Variants in CCNL1 observed in about 807,000 individuals in gnomAD.
The protein encoded by CCNL1 is cyclin L1, also known as cyclin-L1.
In CCNL1, 13 loss-of-function variants were observed where a neutral mutation model predicts 60.6. The observed-to-expected ratio is 0.21, with a 90% CI of 0.14 to 0.34. The LOEUF (loss-of-function observed/expected upper bound fraction) is 0.34. CCNL1 is among the 10% of genes least tolerant of loss of function. The pLI, the probability that CCNL1 is intolerant of heterozygous loss-of-function variation, is 1.00. For synonymous variants in CCNL1, 270 were observed against 244.3 expected (o/e 1.10, Z -0.98); for missense variants, 481 against 664.3 (o/e 0.72, Z 3.03).
At chr3:157,159,685 TG>T in intron 1 of CCNL1, 106 bp downstream of exon 1, 1 of 1,178,422 alleles carries the variant, frequency 8.5e-7, no homozygotes, top group Non-Finnish European at 1.2e-6. Context: ...CGGGAAAGCC[TG>T]AAGGAACCGT....
intron 3 of CCNL1, 196 bp from the exon 4 acceptor site, chr3:157,153,352 C>A: frequency 2.1e-6 from 1 of 467,894 alleles, no homozygotes; most frequent in Non-Finnish European, 3.8e-6. Context: ...AGACTAAGTT[C>A]CTAAAGGAAC....
downstream of CCNL1, among the ~76,000 whole-genome samples, chr3:157,144,245 T>C (rs936813188): frequency 3.3e-5 from 5 of 152,226 alleles, no homozygotes; most frequent in African/African-American, 9.7e-5. Flanking sequence ...TTATTGAAGA[T>C]ATTGTACTAG....
At chr3:157,150,918 G>A (rs1738144205) in intron 5 of CCNL1, 15 of 983,006 alleles carry the variant, frequency 1.5e-5, no homozygotes, top group Non-Finnish European at 1.8e-5. Context: ...GGGAAATAAA[G>A]AGCAATAAAC....
chr3:157,157,960 C>T (rs774982191), intron 3 of CCNL1, among the ~76,000 whole-genome samples: 1 of 152,206 alleles, frequency 6.6e-6, no homozygotes, highest in Non-Finnish European at 1.5e-5. Flanking sequence ...CTTTTAATAA[C>T]TTCCTTTCAA....
chr3:157,153,615 C>T (rs1738365463), intron 3 of CCNL1: 1 of 153,430 alleles, frequency 6.5e-6, no homozygotes, highest in African/African-American at 2.4e-5. Context: ...GGTATACAAT[C>T]TCCCACTGCT....
downstream of CCNL1, among the ~76,000 whole-genome samples, chr3:157,144,504 T>G (rs1420901602): frequency 6.6e-6 from 1 of 152,258 alleles, no homozygotes; most frequent in Non-Finnish European, 1.5e-5. Flanking sequence ...AAGTCCATGT[T>G]CCTTCCATGT....
rs760970097 is a variant in CCNL1 at position 157,160,139 on chromosome 3, A to T, written c.-45T>A. 3.2e-5 allele frequency: 48 copies of T among 1,519,610 alleles called. No individual in the cohort carries two copies. The highest frequency in any genetic ancestry group is 4.9e-5 in the East Asian group (2 of 40,476). The allele number at this position is 1,519,610 out of a possible 1,614,324, so 94.1% of individuals were successfully genotyped here. A position where few individuals can be genotyped will look rare whatever the true frequency, so the allele number is the denominator to read the frequency against. ...CAAGCCCAACGCAGCCGGAACCCGAAACAAGACTAACCAGCGTTCTCGGCG... is the reference window on the plus strand; with the variant it reads ...CAAGCCCAACGCAGCCGGAACCCGATACAAGACTAACCAGCGTTCTCGGCG... On this transcript the variant is annotated 5_prime_UTR_variant, in exon 1 of 11. Transcript: ENST00000295926.
intron 1 of CCNL1, 95 bp downstream of exon 1, chr3:157,159,697 C>T: frequency 8.2e-7 from 1 of 1,225,396 alleles, no homozygotes; most frequent in Admixed American, 2.8e-5. Context: ...AAGGAACCGT[C>T]CCCACCCTCC....
chr3:157,152,747 A>C, intron 4 of CCNL1: 2 of 1,171,768 alleles, frequency 1.7e-6, no homozygotes, highest in South Asian at 4.2e-5. Flanking sequence ...GAGGAACTTT[A>C]CATCTCTGTT....
chr3:157,149,468 A>C lies in CCNL1; in HGVS notation c.1133+17T>G, dbSNP rs762612766. 1 of 1,611,742 alleles carries C rather than the reference A, an allele frequency of 6.2e-7. No individual in the cohort carries two copies. Among genetic ancestry groups the C allele is most frequent in the Non-Finnish European group, 8.5e-7 (1 of 1,177,866 alleles). Reference sequence around the variant, plus strand: ...AAAAGATTCCTCAAGCCAGTTTTCCAGCCCAAGTATACTCACCCATTGTAA... The same window carrying C: ...AAAAGATTCCTCAAGCCAGTTTTCCCGCCCAAGTATACTCACCCATTGTAA... On this transcript the variant is annotated intron_variant, in intron 9 of 10. Coordinates refer to ENST00000295926, the MANE Select transcript of CCNL1 (RefSeq NM_020307.4).
chr3:157,152,308 A>T, intron 4 of CCNL1, 67 bp from the exon 5 acceptor site: 1 of 1,565,086 alleles, frequency 6.4e-7, no homozygotes, highest in African/African-American at 1.4e-5. Context: ...AGTTCAATGA[A>T]AAAAGTAATT....
rs1738664284 is a variant in CCNL1, at chr3:157,156,834, C to T, written c.488+2032G>A. 20 of 1,008,884 alleles carry T rather than the reference C, an allele frequency of 2.0e-5. No individual in the cohort carries two copies. The South Asian group carries it at 3.1e-4, about 16-fold the overall frequency. The allele number at this position is 1,008,884 out of a possible 1,614,324, so 62.5% of individuals were successfully genotyped here. A position where few individuals can be genotyped will look rare whatever the true frequency, so the allele number is the denominator to read the frequency against. On this transcript the variant is annotated intron_variant, in intron 3 of 10. Coordinates refer to ENST00000295926, the MANE Select transcript of CCNL1 (RefSeq NM_020307.4). ...TACTTTCTAATGACATTAACCTATG[C>T]AAAAATAAATACAAAGCTATAGTTC... is the stretch of plus-strand genomic sequence containing the variant.
chr3:157,158,772 C>T, intron 3 of CCNL1, 94 bp downstream of exon 3: 1 of 736,920 alleles, frequency 1.4e-6, no homozygotes, highest in Non-Finnish European at 2.2e-6. Context: ...CTTTTGCATC[C>T]GTATTCACTT....
chr3:157,152,149 A>C, intron 5 of CCNL1, 28 bp downstream of exon 5: 1 of 1,604,262 alleles, frequency 6.2e-7, no homozygotes, highest in South Asian at 1.1e-5. Flanking sequence ...TTTCCTGGCT[A>C]GGAAAGAAAT....
chr3:157,145,455 AAAAAAAAAACC>A (rs1386344077), downstream of CCNL1, among the ~76,000 whole-genome samples: 2 of 148,354 alleles, frequency 1.3e-5, no homozygotes, highest in Admixed American at 6.8e-5. Flanking sequence ...AAAAAAAAAA[AAAAAAAAAACC>A]AAAACGGGAT....
At chr3:157,154,615 T>C (rs1427466816) in intron 3 of CCNL1, 2 of 152,180 alleles carry the variant, frequency 1.3e-5, no homozygotes, top group African/African-American at 4.8e-5. Flanking sequence ...TATGGTAACA[T>C]CAGAGTAAAA....
At chr3:157,145,118 T>C (rs189902200), downstream of CCNL1, among the ~76,000 whole-genome samples, 7 of 152,268 alleles carry the variant, frequency 4.6e-5, no homozygotes, top group South Asian at 8.3e-4. Context: ...TGTAATGTTC[T>C]ATAACATGAA....
chr3:157,146,092 G>C (rs966008655), downstream of CCNL1, among the ~76,000 whole-genome samples: 1 of 152,116 alleles, frequency 6.6e-6, no homozygotes, highest in African/African-American at 2.4e-5. Flanking sequence ...TACTTGTATG[G>C]GATTTTCTTC....
At chr3:157,159,092 G>C (rs1207540800) in intron 2 of CCNL1, 117 bp from the exon 3 acceptor site, 4 of 703,384 alleles carry the variant, frequency 5.7e-6, no homozygotes, top group Non-Finnish European at 9.7e-6. Flanking sequence ...TCTCTATGCC[G>C]TAAGTCTACC....
Sources: allele counts gnomAD v4.1 joint callset (sites outside exome capture counted in the v4.1 genomes callset), GRCh38; gene constraint gnomAD v4.1.1; transcripts MANE v1.5; gene names NCBI Gene and HGNC (gene_info 2026-07-23, HGNC 2026-07-21).